The following FRAS1 variants were observed in gnomAD, a reference collection of about 807,000 sequenced individuals.
The protein encoded by FRAS1 is extracellular matrix organizing protein FRAS1.
Under a neutral mutation model 435.2 loss-of-function variants are expected in FRAS1, and 290 were observed. The ratio of observed to expected loss-of-function variants is 0.67; its 90% CI spans 0.61 to 0.73. The LOEUF (loss-of-function observed/expected upper bound fraction) is 0.73, where lower values mean the gene tolerates loss of function less well. Ranked by LOEUF, FRAS1 falls within the 30% of genes least tolerant of loss-of-function variation. The pLI is 0.00. For missense variants in FRAS1, 4,860 were observed against 5,001.5 expected (o/e 0.97, Z 0.85); for synonymous variants, 1,800 against 1,851.0 (o/e 0.97, Z 0.71).
chr4:78,134,593 G>T (rs10002604), intron 2 of FRAS1, among the ~76,000 whole-genome samples: 24,836 of 152,132 alleles, frequency 0.16, 2,216 homozygotes, highest in Admixed American at 0.2. Context: ...CTCCTTTCAT[G>T]ATAGATAACC....
At chr4:78,294,983 T>C (rs1295340838) in intron 14 of FRAS1, among the ~76,000 whole-genome samples, 1 of 152,218 alleles carries the variant, frequency 6.6e-6, no homozygotes, top group Admixed American at 6.5e-5. Context: ...TAAAGATATC[T>C]TTTTGTGTGT....
intron 41 of FRAS1, among the ~76,000 whole-genome samples, chr4:78,443,410 A>AT (rs777090824): frequency 2.0e-5 from 3 of 152,306 alleles, no homozygotes; most frequent in East Asian, 3.9e-4. Flanking sequence ...GATCAGAAAA[A>AT]CATCTTTTTA....
chr4:78,127,299 C>T (rs183888070), intron 2 of FRAS1, among the ~76,000 whole-genome samples: 135 of 152,212 alleles, frequency 8.9e-4, no homozygotes, highest in African/African-American at 3.1e-3. Context: ...TAATCCTAGG[C>T]TTGCTAATGA....
At chr4:78,285,618 G>A (rs192467677) in intron 13 of FRAS1, among the ~76,000 whole-genome samples, 1 of 151,956 alleles carries the variant, frequency 6.6e-6, no homozygotes, top group Non-Finnish European at 1.5e-5. Flanking sequence ...TTTTAGTAGA[G>A]ATAGGGTTTT....
chr4:78,252,468 C>T lies in FRAS1; in HGVS notation c.386C>T (p.Pro129Leu), dbSNP rs761453237. The change falls in exon 5 of 74, where the codon CCA becomes CTA. Residue 129 changes from proline to leucine, a missense_variant. Physicochemically the swap from Pro to Leu is moderately conservative, Grantham distance 98 (BLOSUM62 -3). Transcript: ENST00000512123. ...GGGGAAGTCCGATGTACCCCCCAAC[C>T]ATGCCCACCGCTGTCATGTGGACAC... ...NHGEVRCTPQ[P>L]CPPLSCGHQE... 17 of 1,613,606 alleles carry T rather than the reference C, an allele frequency of 1.1e-5. No individual in the cohort carries two copies. Among genetic ancestry groups the T allele is most frequent in the Non-Finnish European group, 1.4e-5 (17 of 1,179,812 alleles).
At chr4:78,119,544 T>A (rs1718890925) in intron 2 of FRAS1, among the ~76,000 whole-genome samples, 1 of 152,232 alleles carries the variant, frequency 6.6e-6, no homozygotes, top group Non-Finnish European at 1.5e-5. Flanking sequence ...ATATTAATAG[T>A]ATTCCATGGT....
chr4:78,121,786 G>A (rs1719040144), intron 2 of FRAS1, among the ~76,000 whole-genome samples: 1 of 152,068 alleles, frequency 6.6e-6, no homozygotes, highest in South Asian at 2.1e-4. Flanking sequence ...GTTTCTTTTT[G>A]TCTCATAGCA....
At chr4:78,152,536 C>G (rs574306282) in intron 2 of FRAS1, among the ~76,000 whole-genome samples, 1 of 149,518 alleles carries the variant, frequency 6.7e-6, no homozygotes, top group South Asian at 2.2e-4. Flanking sequence ...CAACTAGAGG[C>G]AAACATTTTC....
chr4:78,115,425 T>C (rs1743083129), intron 2 of FRAS1, among the ~76,000 whole-genome samples: 1 of 152,198 alleles, frequency 6.6e-6, no homozygotes, highest in African/African-American at 2.4e-5. Context: ...TCCTTGTACC[T>C]CTGGTAGAAT....
At chr4:78,183,988 G>A (rs1012990492) in intron 2 of FRAS1, among the ~76,000 whole-genome samples, 1 of 152,142 alleles carries the variant, frequency 6.6e-6, no homozygotes, top group African/African-American at 2.4e-5. Context: ...CCATTGACCA[G>A]TGACGTTAGT....
chr4:78,141,093 T>C (rs148113431), intron 2 of FRAS1, among the ~76,000 whole-genome samples: 1 of 152,266 alleles, frequency 6.6e-6, no homozygotes, highest in African/African-American at 2.4e-5. Context: ...ATGTGCAGAA[T>C]GTGCAGGTTT....
intron 13 of FRAS1, among the ~76,000 whole-genome samples, chr4:78,285,035 A>C (rs555225337): frequency 1.5e-3 from 222 of 152,198 alleles, no homozygotes; most frequent in Non-Finnish European, 2.2e-3. Context: ...ATAGTTGGTA[A>C]TAGAGCTTAT....
At chr4:78,322,282 C>G (rs186833552) in intron 18 of FRAS1, among the ~76,000 whole-genome samples, 7 of 152,266 alleles carry the variant, frequency 4.6e-5, no homozygotes, top group Admixed American at 4.6e-4. Context: ...GCCTGGGAGT[C>G]CTATGAGATT....
chr4:78,059,475 T>C (rs1739643785), intron 1 of FRAS1, among the ~76,000 whole-genome samples: 1 of 151,374 alleles, frequency 6.6e-6, no homozygotes, highest in Non-Finnish European at 1.5e-5. Context: ...AAATATAACT[T>C]TATTGTTTAT....
chr4:78,436,872 A>G lies in FRAS1; in HGVS notation c.5218-1698A>G, dbSNP rs76529674. ...AGAGACAGGAAGAAGGGCCACATAC[A>G]TAAATGTTAGTTATTCTCAAAGCTC... On this transcript the variant is annotated intron_variant, in intron 38 of 73. Transcript: ENST00000512123. Among the ~76,000 whole-genome samples, 30 of 152,340 alleles carry G rather than the reference A, an allele frequency of 2.0e-4. No homozygotes were observed. The East Asian group carries it at 4.6e-3, about 23-fold the overall frequency.
intron 2 of FRAS1, among the ~76,000 whole-genome samples, chr4:78,129,206 T>C (rs188447664): frequency 4.1e-4 from 63 of 152,310 alleles, no homozygotes; most frequent in Middle Eastern, 3.4e-3. Flanking sequence ...CCAGCTTTGT[T>C]CTTTTGGCTT....
chr4:78,121,700 T>G lies in FRAS1; in HGVS notation c.108+55684T>G, dbSNP rs564461933. ...TTCTTTGGTTACGCTTGAGCTCTAT[T>G]TTAGACTGGACCGTGTGTGTTTTAC... On this transcript the variant is annotated intron_variant, in intron 2 of 73. Transcript: ENST00000512123. Among the ~76,000 whole-genome samples the G allele has an allele frequency of 2.6e-5, 4 of 152,350 alleles. No homozygotes were observed. In the South Asian group the frequency reaches 8.3e-4, roughly 32 times the overall value.
At chr4:78,412,520 A>C (rs1459817658) in intron 31 of FRAS1, among the ~76,000 whole-genome samples, 1 of 152,240 alleles carries the variant, frequency 6.6e-6, no homozygotes, top group Non-Finnish European at 1.5e-5. Flanking sequence ...AAAGAAATGG[A>C]ATACAAATCA....
At chr4:78,449,156 G>A (rs73831326) in intron 44 of FRAS1, among the ~76,000 whole-genome samples, 1,542 of 152,258 alleles carry the variant, frequency 0.01, 23 homozygotes, top group African/African-American at 0.035. Flanking sequence ...CGGCACTCTT[G>A]TTACTTATAG....
Sources: allele counts gnomAD v4.1 joint callset (sites outside exome capture counted in the v4.1 genomes callset), GRCh38; gene constraint gnomAD v4.1.1; transcripts MANE v1.5; gene names NCBI Gene and HGNC (gene_info 2026-07-23, HGNC 2026-07-21).